Variants in CNTN4 observed in about 807,000 individuals in gnomAD.
The protein encoded by CNTN4 is contactin 4.
Under a neutral mutation model 122.5 loss-of-function variants are expected in CNTN4, and 77 were observed. That is an observed-to-expected ratio of 0.63 (90% CI 0.52 to 0.76). The LOEUF (loss-of-function observed/expected upper bound fraction) is 0.76. Among genes scored for constraint, CNTN4 ranks in the 30% least tolerant of loss-of-function variants. The pLI, the probability that CNTN4 is intolerant of heterozygous loss-of-function variation, is 0.00. For missense variants in CNTN4, 1,256 were observed against 1,259.1 expected (o/e 1.00, Z 0.04); for synonymous variants, 512 against 447.0 (o/e 1.15, Z -1.83).
intron 2 of CNTN4, among the ~76,000 whole-genome samples, chr3:2,272,394 C>G (rs2041333466): frequency 2.0e-5 from 3 of 152,046 alleles, no homozygotes; most frequent in African/African-American, 7.2e-5. Flanking sequence ...TGTTTTCACT[C>G]AATAATATAT....
At chr3:2,635,435 G>T (rs1259431516) in intron 4 of CNTN4, among the ~76,000 whole-genome samples, 2 of 152,156 alleles carry the variant, frequency 1.3e-5, no homozygotes, top group African/African-American at 4.8e-5. Context: ...AAATCTGTGA[G>T]TAAAAAAGGT....
intron 6 of CNTN4, among the ~76,000 whole-genome samples, chr3:2,813,986 G>A (rs1160446764): frequency 1.3e-5 from 2 of 152,162 alleles, no homozygotes; most frequent in Non-Finnish European, 2.9e-5. Context: ...TGGTCTCAAT[G>A]AGGTAACACA....
At chr3:2,550,783 AGC>A in intron 3 of CNTN4, among the ~76,000 whole-genome samples, 3 of 152,202 alleles carry the variant, frequency 2.0e-5, no homozygotes, top group Admixed American at 6.5e-5. Context: ...AAAAAGGATG[AGC>A]GTATGTCCTT....
At chr3:2,120,091 A>G (rs1559260212) in intron 2 of CNTN4, among the ~76,000 whole-genome samples, 1 of 151,956 alleles carries the variant, frequency 6.6e-6, no homozygotes, top group Non-Finnish European at 1.5e-5. Context: ...TAGGTAAGTA[A>G]GAGCTTGACT....
intron 2 of CNTN4, among the ~76,000 whole-genome samples, chr3:2,246,005 C>T (rs2040131077): frequency 6.6e-6 from 1 of 152,012 alleles, no homozygotes; most frequent in Non-Finnish European, 1.5e-5. Context: ...TACACTCTCA[C>T]ATTCTCACAC....
chr3:2,550,633 A>G (rs1453688728), intron 3 of CNTN4, among the ~76,000 whole-genome samples: 1 of 152,222 alleles, frequency 6.6e-6, no homozygotes, highest in Non-Finnish European at 1.5e-5. Flanking sequence ...CCATTCTACT[A>G]TAAAGACACA....
intron 6 of CNTN4, among the ~76,000 whole-genome samples, chr3:2,756,221 T>C (rs1279536073): frequency 6.6e-6 from 1 of 152,232 alleles, no homozygotes; most frequent in Admixed American, 6.5e-5. Flanking sequence ...AATATTTATA[T>C]CTCCAAAATG....
chr3:2,830,200 T>A (rs1033882797), intron 7 of CNTN4, among the ~76,000 whole-genome samples: 4 of 152,202 alleles, frequency 2.6e-5, no homozygotes, highest in African/African-American at 9.6e-5. Flanking sequence ...ACAGTTAGTT[T>A]GTGTGTACTT....
At chr3:2,306,754 G>T (rs1462484612) in intron 2 of CNTN4, among the ~76,000 whole-genome samples, 1 of 151,900 alleles carries the variant, frequency 6.6e-6, no homozygotes, top group Non-Finnish European at 1.5e-5. Flanking sequence ...CATGAACACG[G>T]GATGTCTTCC....
intron 2 of CNTN4, among the ~76,000 whole-genome samples, chr3:2,268,746 A>T (rs1463728702): frequency 1.3e-5 from 2 of 152,186 alleles, no homozygotes; most frequent in Admixed American, 1.3e-4. Flanking sequence ...ATAACATGGT[A>T]TGCAACTCCC....
chr3:2,930,946 T>C (rs2094515081), intron 13 of CNTN4, among the ~76,000 whole-genome samples: 1 of 152,212 alleles, frequency 6.6e-6, no homozygotes, highest in Non-Finnish European at 1.5e-5. Flanking sequence ...GAAGGACTAC[T>C]GGAAAATGTA....
At chr3:2,795,205 G>A (rs145752474) in intron 6 of CNTN4, among the ~76,000 whole-genome samples, 2,344 of 152,288 alleles carry the variant, frequency 0.015, 31 homozygotes, top group Non-Finnish European at 0.025. Context: ...TGTTTTGAAA[G>A]TATCACAGTC....
intron 3 of CNTN4, among the ~76,000 whole-genome samples, chr3:2,482,232 G>C (rs2076026255): frequency 6.6e-6 from 1 of 152,120 alleles, no homozygotes; most frequent in South Asian, 2.1e-4. Context: ...AGAACTTCTT[G>C]GGAACTGGAG....
At chr3:2,997,796 CAG>C (rs1440504506) in intron 14 of CNTN4, among the ~76,000 whole-genome samples, 1 of 152,148 alleles carries the variant, frequency 6.6e-6, no homozygotes, top group African/African-American at 2.4e-5. Context: ...GAAATGTAAG[CAG>C]AACATTTAGA....
chr3:2,425,231 T>C (rs2047777138), intron 3 of CNTN4, among the ~76,000 whole-genome samples: 1 of 152,214 alleles, frequency 6.6e-6, no homozygotes, highest in African/African-American at 2.4e-5. Context: ...TTAATCCATC[T>C]TGAATTAATT....
chr3:2,185,690 G>T (rs2037219139), intron 2 of CNTN4, among the ~76,000 whole-genome samples: 1 of 152,240 alleles, frequency 6.6e-6, no homozygotes, highest in Middle Eastern at 3.4e-3. Flanking sequence ...ATGGTCTTCG[G>T]GGTGTGATTT....
At chr3:2,737,756 A>G (rs2089222124) in intron 5 of CNTN4, among the ~76,000 whole-genome samples, 2 of 152,208 alleles carry the variant, frequency 1.3e-5, no homozygotes, top group Non-Finnish European at 2.9e-5. Flanking sequence ...GACAACCCAC[A>G]GGAGAATCCA....
intron 3 of CNTN4, among the ~76,000 whole-genome samples, chr3:2,429,136 C>G (rs1055712945): frequency 6.6e-6 from 1 of 152,220 alleles, no homozygotes; most frequent in Non-Finnish European, 1.5e-5. Flanking sequence ...GAGCTGCATT[C>G]CTTTGAAGGC....
chr3:2,878,848 T>G (rs1370467668), intron 8 of CNTN4, among the ~76,000 whole-genome samples: 1 of 152,076 alleles, frequency 6.6e-6, no homozygotes, highest in Non-Finnish European at 1.5e-5. Flanking sequence ...AATTATAAAT[T>G]GTGATAAGTA....
Sources: allele counts gnomAD v4.1 joint callset (sites outside exome capture counted in the v4.1 genomes callset), GRCh38; gene constraint gnomAD v4.1.1; transcripts MANE v1.5; gene names NCBI Gene and HGNC (gene_info 2026-07-23, HGNC 2026-07-21).